The following CCSER1 variants were observed in gnomAD, a reference collection of about 807,000 sequenced individuals.
CCSER1 encodes serine-rich coiled-coil domain-containing protein 1.
In CCSER1, 41 loss-of-function variants were observed where a neutral mutation model predicts 82.0. The observed-to-expected ratio is 0.50, with a 90% CI of 0.39 to 0.65. The LOEUF is 0.65. CCSER1 is among the 30% of genes least tolerant of loss of function. The probability of loss-of-function intolerance (pLI) is 0.00; values close to 1 mark genes in which losing one functional copy is unlikely to be tolerated. For synonymous variants in CCSER1, 414 were observed against 383.9 expected (o/e 1.08, Z -0.92); for missense variants, 1,119 against 1,064.2 (o/e 1.05, Z -0.72).
intron 3 of CCSER1, among the ~76,000 whole-genome samples, chr4:90,330,156 C>G (rs574009274): frequency 6.6e-6 from 1 of 152,062 alleles, no homozygotes; most frequent in Non-Finnish European, 1.5e-5. Context: ...GTAACACACT[C>G]GAGTTTTTGC....
At chr4:90,821,282 G>A (rs1472568104) in intron 8 of CCSER1, among the ~76,000 whole-genome samples, 1 of 152,080 alleles carries the variant, frequency 6.6e-6, no homozygotes, top group Non-Finnish European at 1.5e-5. Flanking sequence ...TGATTGCTAA[G>A]AACTACTGCG....
At chr4:90,689,968 A>G (rs1445738607) in intron 6 of CCSER1, among the ~76,000 whole-genome samples, 2 of 152,140 alleles carry the variant, frequency 1.3e-5, no homozygotes, top group East Asian at 3.9e-4. Flanking sequence ...TATGCAGGGC[A>G]TTCCTCTGAA....
intron 10 of CCSER1, among the ~76,000 whole-genome samples, chr4:91,328,634 A>G (rs952745245): frequency 3.3e-5 from 5 of 152,202 alleles, no homozygotes; most frequent in African/African-American, 1.2e-4. Context: ...ATTTGTACTC[A>G]TTAATTAACA....
intron 9 of CCSER1, among the ~76,000 whole-genome samples, chr4:91,065,709 TA>T (rs1720742145): frequency 6.6e-6 from 1 of 152,112 alleles, no homozygotes; most frequent in Non-Finnish European, 1.5e-5. Context: ...TGGGGATTAG[TA>T]TTTCATTTAC....
intron 10 of CCSER1, among the ~76,000 whole-genome samples, chr4:91,595,239 A>G (rs1578884168): frequency 6.6e-6 from 1 of 152,282 alleles, no homozygotes; most frequent in East Asian, 1.9e-4. Context: ...GTAATTGCAC[A>G]GAATTTAATT....
chr4:90,386,298 G>A (rs1233948740), intron 3 of CCSER1, among the ~76,000 whole-genome samples: 1 of 152,074 alleles, frequency 6.6e-6, no homozygotes, highest in Non-Finnish European at 1.5e-5. Flanking sequence ...CTGGTATAAA[G>A]CAGATACGTA....
chr4:91,598,643 C>A lies in CCSER1; in HGVS notation c.2289C>A (p.Thr763=). The change falls in exon 11 of 11, where the codon ACC becomes ACA. Residue 763 remains threonine (T), a synonymous_variant. Coordinates refer to ENST00000509176, the MANE Select transcript of CCSER1 (RefSeq NM_001145065.2). ...ACAGAAAAGCAATACATACTCCCAC[C>A]GAGGACCGTTTTAGGTATTCGGCAG... is the stretch of plus-strand genomic sequence containing the variant. The part of the protein sequence containing the change: ...TRDRKAIHTP[T]EDRFRYSAAD... 1 of 1,551,434 alleles carries A rather than the reference C, an allele frequency of 6.4e-7. No homozygotes were observed. The highest frequency in any genetic ancestry group is 8.7e-7 in the Non-Finnish European group (1 of 1,146,890).
At chr4:90,174,852 G>T (rs1414860139) in intron 1 of CCSER1, among the ~76,000 whole-genome samples, 2 of 151,922 alleles carry the variant, frequency 1.3e-5, no homozygotes, top group Non-Finnish European at 2.9e-5. Flanking sequence ...AAGATTGATT[G>T]TATCAAGTGT....
At chr4:90,530,734 T>A (rs10019159) in intron 5 of CCSER1, among the ~76,000 whole-genome samples, 438 of 152,274 alleles carry the variant, frequency 2.9e-3, no homozygotes, top group African/African-American at 0.01. Context: ...TACAGTGCTA[T>A]GTTGAGTCCA....
At chr4:90,204,912 C>T (rs6532216) in intron 1 of CCSER1, among the ~76,000 whole-genome samples, 85,854 of 151,858 alleles carry the variant, frequency 0.57, 24,907 homozygotes, top group African/African-American at 0.7. Flanking sequence ...CCTTTACATC[C>T]CTTGTAAGTT....
chr4:91,021,341 T>C (rs1401313927), intron 9 of CCSER1, among the ~76,000 whole-genome samples: 1 of 152,082 alleles, frequency 6.6e-6, no homozygotes, highest in Non-Finnish European at 1.5e-5. Context: ...AGATTGTTTT[T>C]ATGCAAAAAA....
chr4:91,528,090 GTAGTATTA>G (rs1760853035), intron 10 of CCSER1, among the ~76,000 whole-genome samples: 1 of 151,802 alleles, frequency 6.6e-6, no homozygotes, highest in Admixed American at 6.6e-5. Flanking sequence ...AACTTTTTTT[GTAGTATTA>G]TTAGTAGAGA....
chr4:90,569,775 T>C (rs765905112), intron 5 of CCSER1, among the ~76,000 whole-genome samples: 19 of 152,234 alleles, frequency 1.2e-4, no homozygotes, highest in Non-Finnish European at 1.8e-4. Context: ...TGCTGTCTGC[T>C]GGTCCAGGAG....
intron 10 of CCSER1, among the ~76,000 whole-genome samples, chr4:91,356,669 G>A (rs1748856997): frequency 6.6e-6 from 1 of 152,176 alleles, no homozygotes; most frequent in African/African-American, 2.4e-5. Flanking sequence ...AATCCACTCG[G>A]GGATGAACAA....
intron 10 of CCSER1, among the ~76,000 whole-genome samples, chr4:91,592,340 C>A (rs1764307356): frequency 6.6e-6 from 1 of 151,992 alleles, no homozygotes; most frequent in Non-Finnish European, 1.5e-5. Flanking sequence ...AGAGTCTCTC[C>A]CATGACATGT....
intron 10 of CCSER1, among the ~76,000 whole-genome samples, chr4:91,088,257 A>G (rs1184286031): frequency 2.0e-5 from 3 of 152,156 alleles, no homozygotes; most frequent in African/African-American, 7.2e-5. Context: ...AATGACAGCT[A>G]TTCCCCATAG....
intron 6 of CCSER1, among the ~76,000 whole-genome samples, chr4:90,633,814 A>C (rs918869760): frequency 3.3e-5 from 5 of 151,896 alleles, no homozygotes; most frequent in African/African-American, 9.7e-5. Flanking sequence ...TAATAATCTG[A>C]ATGGAGTATC....
chr4:91,177,580 C>G (rs898233337), intron 10 of CCSER1, among the ~76,000 whole-genome samples: 1 of 152,096 alleles, frequency 6.6e-6, no homozygotes, highest in African/African-American at 2.4e-5. Flanking sequence ...TTTTCCATTT[C>G]TTTTAGATTT....
chr4:90,813,689 A>G (rs1339545842), intron 7 of CCSER1, among the ~76,000 whole-genome samples: 1 of 152,140 alleles, frequency 6.6e-6, no homozygotes, highest in African/African-American at 2.4e-5. Context: ...ACCTCCTGCC[A>G]TGATTCTGAG....
Sources: allele counts gnomAD v4.1 joint callset (sites outside exome capture counted in the v4.1 genomes callset), GRCh38; gene constraint gnomAD v4.1.1; transcripts MANE v1.5; gene names NCBI Gene and HGNC (gene_info 2026-07-23, HGNC 2026-07-21).